The following ATXN7L1 variants were observed in gnomAD, a reference collection of about 807,000 sequenced individuals.
ATXN7L1 encodes the protein ataxin 7 like 1.
Under a neutral mutation model 70.8 loss-of-function variants are expected in ATXN7L1, and 15 were observed. The ratio of observed to expected loss-of-function variants is 0.21; its 90% CI spans 0.14 to 0.33. The LOEUF (loss-of-function observed/expected upper bound fraction) is 0.33. Ranked by LOEUF, ATXN7L1 falls within the 10% of genes least tolerant of loss-of-function variation. The pLI is 1.00. For synonymous variants in ATXN7L1, 440 were observed against 445.1 expected (o/e 0.99, Z 0.14); for missense variants, 975 against 1,097.1 (o/e 0.89, Z 1.57).
chr7:105,766,170 C>G lies in ATXN7L1; in HGVS notation c.355+22434G>C, dbSNP rs367669437. 2.7e-5 allele frequency among the ~76,000 whole-genome samples: 4 copies of G among 150,286 alleles called. No homozygotes were observed. In the East Asian group the frequency reaches 5.8e-4, roughly 22 times the overall value. On this transcript the variant is annotated intron_variant, in intron 3 of 11. Transcript: ENST00000419735. ...GTCAACCATGTTTTGGCAACTAGATCAGGAGCCCTCTTCTGCCTATTGCAT... is the reference window on the plus strand; with the variant it reads ...GTCAACCATGTTTTGGCAACTAGATGAGGAGCCCTCTTCTGCCTATTGCAT...
At chr7:105,741,041 C>A (rs537339816) in intron 3 of ATXN7L1, among the ~76,000 whole-genome samples, 2 of 152,024 alleles carry the variant, frequency 1.3e-5, no homozygotes, top group African/African-American at 4.8e-5. Context: ...TGGGATTACA[C>A]GCGTGAGCCA....
At chr7:105,769,973 G>A (rs913409551) in intron 3 of ATXN7L1, among the ~76,000 whole-genome samples, 13 of 152,196 alleles carry the variant, frequency 8.5e-5, no homozygotes, top group East Asian at 1.9e-4. Flanking sequence ...GGCATTCGGC[G>A]TAAAACTGCA....
chr7:105,727,880 G>A (rs1018834198), intron 3 of ATXN7L1, among the ~76,000 whole-genome samples: 6 of 149,130 alleles, frequency 4.0e-5, no homozygotes, highest in African/African-American at 7.4e-5. Context: ...CAAGAAAAAT[G>A]TTTGGACAGA....
rs117033477 is a variant in ATXN7L1, at chr7:105,774,197, A to G, written c.355+14407T>C. Among the ~76,000 whole-genome samples, 321 of 152,264 alleles carry G rather than the reference A, an allele frequency of 2.1e-3. 1 individual carries two copies. The highest frequency in any genetic ancestry group is 0.014 in the Middle Eastern group (4 of 294). ...AAGGCAGCTCAGCCAAGAAAGTGGG[A>G]GGAAAATTTTCAAAGGGCCACCATC... is the stretch of plus-strand genomic sequence containing the variant. On this transcript the variant is annotated intron_variant, in intron 3 of 11. Coordinates refer to ENST00000419735, the MANE Select transcript of ATXN7L1 (RefSeq NM_020725.2).
At chr7:105,686,794 T>C (rs1245196895) in intron 3 of ATXN7L1, among the ~76,000 whole-genome samples, 1 of 152,210 alleles carries the variant, frequency 6.6e-6, no homozygotes, top group Non-Finnish European at 1.5e-5. Context: ...AACCAAAAAA[T>C]CATAAGTCGA....
At chr7:105,734,193 A>T in intron 3 of ATXN7L1, among the ~76,000 whole-genome samples, 1 of 152,204 alleles carries the variant, frequency 6.6e-6, no homozygotes, top group Non-Finnish European at 1.5e-5. Context: ...AGCCCACCTT[A>T]CAGGGATGCT....
intron 3 of ATXN7L1, among the ~76,000 whole-genome samples, chr7:105,768,472 T>C (rs1471018439): frequency 6.6e-6 from 1 of 152,224 alleles, no homozygotes; most frequent in Non-Finnish European, 1.5e-5. Flanking sequence ...TATCTGTGCC[T>C]GTACTCCAGC....
At chr7:105,647,514 G>A (rs1189638601) in intron 4 of ATXN7L1, among the ~76,000 whole-genome samples, 1 of 152,202 alleles carries the variant, frequency 6.6e-6, no homozygotes, top group African/African-American at 2.4e-5. Flanking sequence ...GGGCGCGGTG[G>A]CACATGCCTG....
chr7:105,764,297 TAAAGA>T (rs1214205219), intron 3 of ATXN7L1, among the ~76,000 whole-genome samples: 1 of 143,844 alleles, frequency 7.0e-6, no homozygotes, highest in Non-Finnish European at 1.5e-5. Context: ...TGGCAAAGCT[TAAAGA>T]AAAAAAAAAA....
At chr7:105,708,329 T>C (rs1393949635) in intron 3 of ATXN7L1, among the ~76,000 whole-genome samples, 1 of 152,168 alleles carries the variant, frequency 6.6e-6, no homozygotes, top group Non-Finnish European at 1.5e-5. Flanking sequence ...TTCCAAGCAC[T>C]GTGATTCTGT....
chr7:105,638,752 G>T, intron 6 of ATXN7L1, 143 bp from the exon 7 acceptor site: 1 of 1,117,706 alleles, frequency 8.9e-7, no homozygotes, highest in Non-Finnish European at 1.2e-6. Context: ...CTCCTGTTCT[G>T]TGGCTAGGAA....
chr7:105,692,268 G>A (rs565885355), intron 3 of ATXN7L1, among the ~76,000 whole-genome samples: 53 of 152,302 alleles, frequency 3.5e-4, no homozygotes, highest in African/African-American at 1.3e-3. Context: ...TGCAAATGTG[G>A]AGGCTTTGCT....
At chr7:105,851,778 C>G (rs1005099091) in intron 2 of ATXN7L1, among the ~76,000 whole-genome samples, 1 of 152,152 alleles carries the variant, frequency 6.6e-6, no homozygotes, top group East Asian at 1.9e-4. Flanking sequence ...AACCACAGAA[C>G]CATCCCCAGG....
At chr7:105,866,608 T>A (rs1423752046) in intron 2 of ATXN7L1, among the ~76,000 whole-genome samples, 1 of 152,184 alleles carries the variant, frequency 6.6e-6, no homozygotes, top group African/African-American at 2.4e-5. Context: ...TCCAGGTCCA[T>A]TTGGCAGTCT....
chr7:105,727,746 G>GTGTATATATATATATATATATATATA (rs1333693053), intron 3 of ATXN7L1, among the ~76,000 whole-genome samples: 1 of 55,342 alleles, frequency 1.8e-5, no homozygotes, highest in Non-Finnish European at 2.9e-5. Context: ...GTGTATGTGT[G>GTGTATATATATATATATATATATATA]TATATATATA....
chr7:105,853,266 A>G (rs58244737), intron 2 of ATXN7L1, among the ~76,000 whole-genome samples: 10,135 of 152,310 alleles, frequency 0.067, 459 homozygotes, highest in East Asian at 0.22. Flanking sequence ...AATTAAATGT[A>G]GGCTACATGC....
intron 2 of ATXN7L1, among the ~76,000 whole-genome samples, chr7:105,796,456 G>A (rs1294859227): frequency 6.6e-6 from 1 of 152,218 alleles, no homozygotes; most frequent in Non-Finnish European, 1.5e-5. Context: ...TGACAAACCT[G>A]TGACAATGGC....
chr7:105,785,401 G>A (rs1370482812), intron 3 of ATXN7L1, among the ~76,000 whole-genome samples: 1 of 152,186 alleles, frequency 6.6e-6, no homozygotes, highest in African/African-American at 2.4e-5. Context: ...GGGAGGCAGA[G>A]GTTGCAGTGA....
chr7:105,606,929 T>G lies in ATXN7L1; in HGVS notation c.*923A>C, dbSNP rs1196334121. ...ACCGTGCCTCCTCATGGAGTGGCTT[T>G]CTGGGTTCTCACGACCTTTTTCCTG... On this transcript the variant is annotated 3_prime_UTR_variant, in exon 12 of 12. Coordinates refer to ENST00000419735, the MANE Select transcript of ATXN7L1 (RefSeq NM_020725.2). 1 of 152,278 alleles carries G rather than the reference T, an allele frequency of 6.6e-6. No individual in the cohort carries two copies. Among genetic ancestry groups the G allele is most frequent in the Non-Finnish European group, 1.5e-5 (1 of 68,106 alleles). The allele number at this position is 152,278 out of a possible 1,614,324, so 9.4% of individuals were successfully genotyped here. A position where few individuals can be genotyped will look rare whatever the true frequency, so the allele number is the denominator to read the frequency against.
Sources: allele counts gnomAD v4.1 joint callset (sites outside exome capture counted in the v4.1 genomes callset), GRCh38; gene constraint gnomAD v4.1.1; transcripts MANE v1.5; gene names NCBI Gene and HGNC (gene_info 2026-07-23, HGNC 2026-07-21).